NFIA: variants seen among roughly 807,000 people sequenced by gnomAD.
The protein encoded by NFIA is nuclear factor 1 A-type.
A neutral mutation model predicts 62.8 loss-of-function variants in NFIA; 8 were observed. The observed-to-expected ratio is 0.13, with a 90% CI of 0.07 to 0.23. NFIA has a LOEUF of 0.23. Ranked by LOEUF, NFIA falls within the 10% of genes least tolerant of loss-of-function variation. The pLI is 1.00. For missense variants in NFIA, 410 were observed against 642.1 expected (o/e 0.64, Z 3.91); for synonymous variants, 235 against 238.1 (o/e 0.99, Z 0.12).
chr1:61,202,076 C>T (rs1347075997), intron 2 of NFIA, among the ~76,000 whole-genome samples: 2 of 152,172 alleles, frequency 1.3e-5, no homozygotes, highest in Non-Finnish European at 2.9e-5. Flanking sequence ...ATTGCAAACT[C>T]ATCCATTGCC....
chr1:61,227,556 G>C (rs892879487), intron 2 of NFIA, among the ~76,000 whole-genome samples: 1 of 152,166 alleles, frequency 6.6e-6, no homozygotes, highest in African/African-American at 2.4e-5. Context: ...TGGCTCCCAA[G>C]AAACTCAGAG....
chr1:61,390,549 T>A (rs1664921673), intron 7 of NFIA, among the ~76,000 whole-genome samples: 1 of 152,204 alleles, frequency 6.6e-6, no homozygotes, highest in Non-Finnish European at 1.5e-5. Context: ...GGGATCTTGC[T>A]CTCAGTGATG....
intron 2 of NFIA, among the ~76,000 whole-genome samples, chr1:61,092,537 A>G (rs1445297102): frequency 6.6e-6 from 1 of 152,154 alleles, no homozygotes; most frequent in Non-Finnish European, 1.5e-5. Context: ...GAAGCCTGAT[A>G]CCTGTCCTAT....
chr1:61,286,149 C>T (rs771070513), intron 3 of NFIA, among the ~76,000 whole-genome samples: 5 of 151,954 alleles, frequency 3.3e-5, no homozygotes, highest in South Asian at 2.1e-4. Context: ...CTGGATAGGC[C>T]GGGCAGGATG....
intron 2 of NFIA, chr1:61,250,894 T>C (rs972640958): frequency 3.3e-5 from 5 of 152,206 alleles, no homozygotes; most frequent in Non-Finnish European, 5.9e-5. Context: ...GGGCCCTAGC[T>C]GAAACTAATT....
At chr1:61,113,596 GAAAAAAA>G (rs376543670) in intron 2 of NFIA, among the ~76,000 whole-genome samples, 2 of 107,000 alleles carry the variant, frequency 1.9e-5, no homozygotes, top group East Asian at 2.9e-4. Context: ...CTCCATCTCA[GAAAAAAA>G]AAAAAAAAAA....
chr1:61,143,764 G>A (rs906140314), intron 2 of NFIA, among the ~76,000 whole-genome samples: 9 of 152,088 alleles, frequency 5.9e-5, no homozygotes, highest in Non-Finnish European at 2.9e-5. Flanking sequence ...TAGCTATATC[G>A]AGTCTATATT....
At chr1:61,406,837 C>A in intron 9 of NFIA, 110 bp downstream of exon 9, 1 of 1,243,194 alleles carries the variant, frequency 8.0e-7, no homozygotes, top group Non-Finnish European at 1.1e-6. Flanking sequence ...GCACAGATCC[C>A]CAGTGATGTT....
At chr1:61,399,813 T>A (rs540902507) in intron 7 of NFIA, among the ~76,000 whole-genome samples, 2 of 152,188 alleles carry the variant, frequency 1.3e-5, no homozygotes, top group Admixed American at 6.5e-5. Flanking sequence ...AGCACTCTTA[T>A]GTGTCTACAA....
chr1:61,222,649 A>G (rs567892320), intron 2 of NFIA, among the ~76,000 whole-genome samples: 31 of 152,236 alleles, frequency 2.0e-4, no homozygotes, highest in African/African-American at 7.2e-4. Context: ...CTGTTTTGCT[A>G]AAGTATAGGT....
intron 5 of NFIA, among the ~76,000 whole-genome samples, chr1:61,353,341 G>C (rs1342680081): frequency 6.6e-6 from 1 of 152,106 alleles, no homozygotes; most frequent in Non-Finnish European, 1.5e-5. Context: ...TGGGGTTCTT[G>C]CTCCCTTTAA....
intron 9 of NFIA, 138 bp from the exon 10 acceptor site, chr1:61,426,327 A>T: frequency 3.1e-6 from 2 of 646,056 alleles, no homozygotes; most frequent in South Asian, 3.7e-5. Context: ...CTTGCTAGCC[A>T]GACCCCTTTG....
At chr1:61,436,532 T>G (rs1028911806) in intron 10 of NFIA, among the ~76,000 whole-genome samples, 1 of 152,096 alleles carries the variant, frequency 6.6e-6, no homozygotes, top group South Asian at 2.1e-4. Flanking sequence ...TTCTAATGAG[T>G]CTAAGGCCTT....
intron 2 of NFIA, among the ~76,000 whole-genome samples, chr1:61,114,103 C>T (rs1191829881): frequency 6.6e-6 from 1 of 152,014 alleles, no homozygotes; most frequent in Non-Finnish European, 1.5e-5. Flanking sequence ...TGAGTAATAT[C>T]ATAAACAAAA....
chr1:61,270,107 G>A (rs145619693), intron 2 of NFIA, among the ~76,000 whole-genome samples: 2 of 152,294 alleles, frequency 1.3e-5, no homozygotes, highest in African/African-American at 4.8e-5. Context: ...CACATCATGT[G>A]TCGGTTGGGG....
chr1:61,357,904 A>C (rs1046853690), intron 5 of NFIA, among the ~76,000 whole-genome samples: 16 of 152,182 alleles, frequency 1.1e-4, no homozygotes, highest in Non-Finnish European at 2.1e-4. Context: ...CACCCCTGCA[A>C]ACTTCCTGAT....
chr1:61,357,425 A>G (rs9970370), intron 5 of NFIA, among the ~76,000 whole-genome samples: 2,070 of 152,306 alleles, frequency 0.014, 53 homozygotes, highest in African/African-American at 0.048. Context: ...GTTTAAGACA[A>G]TGACAGTTTG....
At chr1:61,167,774 C>T (rs765970553) in intron 2 of NFIA, among the ~76,000 whole-genome samples, 5 of 152,046 alleles carry the variant, frequency 3.3e-5, no homozygotes, top group Non-Finnish European at 7.4e-5. Context: ...GTGTTATGAT[C>T]CTTTTAGTTT....
intron 2 of NFIA, among the ~76,000 whole-genome samples, chr1:61,098,679 ACTTTTAGAAGTCTCTC>A (rs763626455): frequency 2.6e-5 from 4 of 152,206 alleles, no homozygotes; most frequent in Non-Finnish European, 4.4e-5. Context: ...TTCTTAACAT[ACTTTTAGAAGTCTCTC>A]CTTTTCCCAC....
Sources: gnomAD v4.1 joint callset for allele counts (sites outside exome capture counted in the v4.1 genomes callset) on GRCh38, gnomAD v4.1.1 for gene constraint, MANE v1.5 for transcripts, NCBI Gene and HGNC (gene_info 2026-07-23, HGNC 2026-07-21) for gene names.